Variants in CACNA1S observed in about 807,000 individuals in gnomAD.
CACNA1S encodes the protein calcium voltage-gated channel subunit alpha1 S, also known as voltage-dependent L-type calcium channel subunit alpha-1S.
In CACNA1S, 126 loss-of-function variants were observed where a neutral mutation model predicts 207.4. The observed-to-expected ratio is 0.61, with a 90% CI of 0.53 to 0.70. The LOEUF (loss-of-function observed/expected upper bound fraction) is 0.70, where lower values mean the gene tolerates loss of function less well. Ranked by LOEUF, CACNA1S falls within the 30% of genes least tolerant of loss-of-function variation. The probability of loss-of-function intolerance (pLI) is 0.00; values close to 1 mark genes in which losing one functional copy is unlikely to be tolerated. For missense variants in CACNA1S, 2,349 were observed against 2,422.8 expected (o/e 0.97, Z 0.64); for synonymous variants, 960 against 932.7 (o/e 1.03, Z -0.53).
chr1:201,052,776 G>T, intron 31 of CACNA1S, 128 bp from the exon 32 acceptor site: 1 of 786,506 alleles, frequency 1.3e-6, no homozygotes. Flanking sequence ...TTCATTGCGG[G>T]CCACATCAGA....
chr1:201,103,989 GGCCCTGCCCT>G (rs71872289), intron 2 of CACNA1S, among the ~76,000 whole-genome samples: 2 of 152,114 alleles, frequency 1.3e-5, no homozygotes, highest in South Asian at 2.1e-4. Context: ...GAGCTTGCCA[GGCCCTGCCCT>G]GCCCTGCCCT....
intron 2 of CACNA1S, among the ~76,000 whole-genome samples, chr1:201,097,110 G>C (rs755730683): frequency 6.6e-6 from 1 of 151,830 alleles, no homozygotes; most frequent in African/African-American, 2.4e-5. Context: ...CAGCAGGTCC[G>C]GGCCATTCCA....
rs752163244 is a variant in CACNA1S at position 201,089,248 on chromosome 1, C to T, written c.900+10G>A. 1 of 1,613,660 alleles carries T rather than the reference C, an allele frequency of 6.2e-7. No homozygotes were observed. Among genetic ancestry groups the T allele is most frequent in the Non-Finnish European group, 8.5e-7 (1 of 1,179,640 alleles). ...GGGAGATGGTTCTGCAGGCGCGGGC[C>T]CAGACCCACCCAGTAAAGGACGTCA... On this transcript the variant is annotated intron_variant, in intron 6 of 43. Transcript: ENST00000362061.
intron 22 of CACNA1S, among the ~76,000 whole-genome samples, chr1:201,065,270 A>G (rs1661200594): frequency 6.6e-6 from 1 of 152,200 alleles, no homozygotes; most frequent in Non-Finnish European, 1.5e-5. Context: ...TTGTGTATTT[A>G]ATTTTTAAAA....
At chr1:201,082,730 G>A (rs1254654393) in intron 10 of CACNA1S, among the ~76,000 whole-genome samples, 1 of 152,154 alleles carries the variant, frequency 6.6e-6, no homozygotes, top group African/African-American at 2.4e-5. Context: ...TTCTTTTCCT[G>A]TGCCTTACAT....
intron 2 of CACNA1S, among the ~76,000 whole-genome samples, chr1:201,104,556 A>T (rs946470104): frequency 2.6e-5 from 4 of 152,260 alleles, no homozygotes; most frequent in Non-Finnish European, 5.9e-5. Flanking sequence ...CTCCGGTGTC[A>T]TAACTTCTGC....
chr1:201,049,338 T>G (rs1366408821), intron 34 of CACNA1S, among the ~76,000 whole-genome samples: 1 of 152,230 alleles, frequency 6.6e-6, no homozygotes, highest in African/African-American at 2.4e-5. Context: ...GCGCATTCCC[T>G]CAGATATGGG....
intron 41 of CACNA1S, among the ~76,000 whole-genome samples, chr1:201,041,116 A>G (rs949853269): frequency 1.1e-4 from 16 of 152,236 alleles, no homozygotes; most frequent in Admixed American, 5.9e-4. Context: ...CTAGACTACA[A>G]GATCATTTGC....
At chr1:201,085,296 G>A (rs189762159) in intron 8 of CACNA1S, 140 bp downstream of exon 8, 8 of 1,153,440 alleles carry the variant, frequency 6.9e-6, no homozygotes, top group South Asian at 6.2e-5. Flanking sequence ...TTACCATTTT[G>A]AGCCATTTTG....
chr1:201,069,605 G>C lies in CACNA1S; in HGVS notation c.2361-4C>G, dbSNP rs1187060651. 5 of 1,552,604 alleles carry C rather than the reference G, an allele frequency of 3.2e-6. No homozygotes were observed. The East Asian group carries it at 1.2e-4, about 38-fold the overall frequency. ...GCGGTGACACAGGACACGGATCCTG[G>C]TGGGGCGAGGTAGGGAGGGCAGGGG... is the stretch of plus-strand genomic sequence containing the variant. On this transcript the variant is annotated splice_polypyrimidine_tract_variant and splice_region_variant and intron_variant, in intron 17 of 43. Transcript: ENST00000362061.
Position 201,062,506 on chromosome 1 carries a change from G to A in CACNA1S, c.2862C>T (p.Phe954=), listed in dbSNP as rs1402878092. The A allele has an allele frequency of 2.2e-6, 3 of 1,388,378 alleles. No homozygotes were observed. Among genetic ancestry groups the A allele is most frequent in the Non-Finnish European group, 3.0e-6 (3 of 1,006,350 alleles). 86.0% of individuals were successfully genotyped at this position (1,388,378 alleles called of 1,614,324 possible). A position where few individuals can be genotyped will look rare whatever the true frequency, so the allele number is the denominator to read the frequency against. The stretch of plus-strand genomic sequence containing the variant: ...TCTTGGACAAGTCGGTGCACCTGAA[G>A]AACTTCCCCTGCAGCCAGGAAGAGG... ...CIGVQLFKGK[F]FRCTDLSKMT... The change falls in exon 23 of 44, where the codon TTC becomes TTT. Residue 954 remains phenylalanine (F), a synonymous_variant. Coordinates refer to ENST00000362061, the MANE Select transcript of CACNA1S (RefSeq NM_000069.3).
chr1:201,104,597 C>T (rs749196309), intron 2 of CACNA1S, among the ~76,000 whole-genome samples: 61 of 152,330 alleles, frequency 4.0e-4, no homozygotes, highest in African/African-American at 1.1e-3. Context: ...CAGCTTCACA[C>T]GCCTGCTTGT....
In CACNA1S at chr1:201,053,583, G is replaced by A. The variant is rs1424572490; in HGVS notation, c.3671C>T (p.Pro1224Leu). 3.1e-6 allele frequency: 5 copies of A among 1,613,840 alleles called. No individual in the cohort carries two copies. The highest frequency in any genetic ancestry group is 4.2e-6 in the Non-Finnish European group (5 of 1,180,000). The change falls in exon 30 of 44, where the codon CCA (proline) becomes CTA (leucine). Residue 1224 changes from proline (P) to leucine (L), a missense_variant. Pro to Leu is a moderately conservative substitution (Grantham distance 98). Transcript: ENST00000362061. The surrounding 1 kb of genome is among the most constrained non-coding windows in gnomAD (Gnocchi z 5.1). ...CLGGGCGNVD[P>L]DESARISSAF... ...GCTGGAGATGCGGGCACTCTCATCT[G>A]GGTCCTGCGGGGCAGCAGCCCCAGA...
At chr1:201,080,741 T>G (rs10920109) in intron 10 of CACNA1S, among the ~76,000 whole-genome samples, 36,207 of 151,828 alleles carry the variant, frequency 0.24, 5,750 homozygotes, top group Non-Finnish European at 0.37. Context: ...AGTTTTTTTT[T>G]GTTGTTGTTT....
Position 201,056,897 on chromosome 1 carries a change from G to A in CACNA1S, c.3609+1511C>T, listed in dbSNP as rs150144397. 3.1e-3 allele frequency among the ~76,000 whole-genome samples: 467 copies of A among 152,188 alleles called. 2 individuals carry two copies. The highest frequency in any genetic ancestry group is 4.2e-3 in the Non-Finnish European group (288 of 68,016). On this transcript the variant is annotated intron_variant, in intron 28 of 43. Coordinates refer to ENST00000362061, the MANE Select transcript of CACNA1S (RefSeq NM_000069.3). Reference sequence around the variant, plus strand: ...CCAGATTCTGGGAGCCTTCCTGTCAGCTCAACCTTCAAAATAGATCCAGAC... The same window carrying A: ...CCAGATTCTGGGAGCCTTCCTGTCAACTCAACCTTCAAAATAGATCCAGAC...
Position 201,085,557 on chromosome 1 carries a change from C to T in CACNA1S, c.1029G>A (p.Lys343=). 1 of 1,613,742 alleles carries T rather than the reference C, an allele frequency of 6.2e-7. No individual in the cohort carries two copies. The highest frequency in any genetic ancestry group is 8.5e-7 in the Non-Finnish European group (1 of 1,179,974). The change falls in exon 8 of 44, where the codon AAG becomes AAA. Residue 343 remains lysine, a synonymous_variant. Coordinates refer to ENST00000362061, the MANE Select transcript of CACNA1S (RefSeq NM_000069.3). Reference sequence around the variant, plus strand: ...TCTGGAAGGTTCCCCTGGACTTGGCCTTCTCCCGCTCCTTGGTGAATTCCC... The same window carrying T: ...TCTGGAAGGTTCCCCTGGACTTGGCTTTCTCCCGCTCCTTGGTGAATTCCC... ...LSGEFTKERE[K]AKSRGTFQKL... is the part of the protein sequence containing the mutation.
intron 1 of CACNA1S, 83 bp downstream of exon 1, chr1:201,112,105 T>C: frequency 1.4e-6 from 2 of 1,415,076 alleles, no homozygotes; most frequent in East Asian, 2.3e-5. Flanking sequence ...GGCCCTCCTG[T>C]AGGAAGTTTG....
Position 201,072,799 on chromosome 1 carries a change from T to C in CACNA1S, c.2183A>G (p.Asn728Ser). Residue 728 changes from asparagine (N) to serine (S), a missense_variant, in exon 16 of 44, where the codon AAT (asparagine) becomes AGT (serine). Asn to Ser is a conservative substitution (Grantham distance 46). Coordinates refer to ENST00000362061, the MANE Select transcript of CACNA1S (RefSeq NM_000069.3). ...GTAGGGATCCTTCACCTCATTGACA[T>C]TAGATTCAAACTCATCGATTTTCAG... ...AKLKIDEFES[N>S]VNEVKDPYPS... 5 of 1,613,860 alleles carry C rather than the reference T, an allele frequency of 3.1e-6. No individual in the cohort carries two copies. The highest frequency in any genetic ancestry group is 4.2e-6 in the Non-Finnish European group (5 of 1,179,776).
chr1:201,102,025 C>G (rs1291008614), intron 2 of CACNA1S, among the ~76,000 whole-genome samples: 1 of 152,230 alleles, frequency 6.6e-6, no homozygotes, highest in Non-Finnish European at 1.5e-5. Context: ...CGGTAGTCCC[C>G]TGGCCTGGGA....
Sources: gnomAD v4.1 joint callset for allele counts (sites outside exome capture counted in the v4.1 genomes callset) on GRCh38, gnomAD v4.1.1 for gene constraint, Gnocchi (gnomAD v3.1) non-coding constraint, MANE v1.5 for transcripts, NCBI Gene and HGNC (gene_info 2026-07-23, HGNC 2026-07-21) for gene names.